FRMD4A: variants seen among roughly 807,000 people sequenced by gnomAD.
FRMD4A encodes the protein FERM domain-containing protein 4A.
A neutral mutation model predicts 129.1 loss-of-function variants in FRMD4A; 29 were observed. The ratio of observed to expected loss-of-function variants is 0.22; its 90% CI spans 0.17 to 0.31. The LOEUF is 0.31. FRMD4A is among the 10% of genes least tolerant of loss of function. The pLI is 1.00. For missense variants in FRMD4A, 1,272 were observed against 1,375.8 expected, an observed-to-expected ratio of 0.92 and a Z score of 1.19; for synonymous variants, 634 against 571.6, an observed-to-expected ratio of 1.11 and a Z score of -1.56.
chr10:13,718,406 T>C (rs565145491), intron 12 of FRMD4A, among the ~76,000 whole-genome samples: 1 of 152,380 alleles, frequency 6.6e-6, no homozygotes, highest in East Asian at 1.9e-4. Context: ...GACTTTCCAC[T>C]TGGAGGGCCT....
intron 2 of FRMD4A, among the ~76,000 whole-genome samples, chr10:14,045,826 A>T (rs1311383258): frequency 6.8e-6 from 1 of 146,168 alleles, no homozygotes; most frequent in Non-Finnish European, 1.5e-5. Flanking sequence ...TGTATTATAT[A>T]TAATTGCCTA....
intron 3 of FRMD4A, among the ~76,000 whole-genome samples, chr10:13,855,840 A>C (rs757573550): frequency 4.6e-5 from 7 of 152,284 alleles, no homozygotes; most frequent in Non-Finnish European, 8.8e-5. Context: ...ATCCTGGGCA[A>C]CAGAATTTTG....
chr10:13,991,007 C>T (rs987827941), intron 2 of FRMD4A, among the ~76,000 whole-genome samples: 5 of 152,166 alleles, frequency 3.3e-5, no homozygotes, highest in Admixed American at 6.5e-5. Flanking sequence ...GAGGTGCATT[C>T]GGAGCCAGAA....
At chr10:14,118,329 A>ACAGAGAGT (rs1427123109) in intron 2 of FRMD4A, among the ~76,000 whole-genome samples, 2 of 152,326 alleles carry the variant, frequency 1.3e-5, no homozygotes, top group Non-Finnish European at 2.9e-5. Context: ...GTGAGAGGTC[A>ACAGAGAGT]CAGAGAGTCT....
At chr10:13,922,427 C>T (rs772090743) in intron 2 of FRMD4A, among the ~76,000 whole-genome samples, 4 of 152,068 alleles carry the variant, frequency 2.6e-5, no homozygotes, top group Non-Finnish European at 5.9e-5. Context: ...TGTGGTCTAA[C>T]TCTTATTTTA....
chr10:14,264,830 G>A (rs1173572843), intron 2 of FRMD4A, among the ~76,000 whole-genome samples: 2 of 152,122 alleles, frequency 1.3e-5, no homozygotes, highest in Non-Finnish European at 2.9e-5. Context: ...TGCCCAGGCT[G>A]GAGTGCAGTG....
rs1475914733 is a variant in FRMD4A, at chr10:13,708,030, C to A, written c.760-917G>T. ...TATCACAGGAGGTTCAACTTGTGTG[C>A]ACACACATTTGCATTAATATTTGCT... On this transcript the variant is annotated intron_variant, in intron 12 of 24. Coordinates refer to ENST00000357447, the MANE Select transcript of FRMD4A (RefSeq NM_018027.5). 1.2e-5 allele frequency: 3 copies of A among 253,056 alleles called. 1 individual carries two copies. In the East Asian group the frequency reaches 5.4e-4, roughly 45 times the overall value. 15.7% of individuals were successfully genotyped at this position (253,056 alleles called of 1,614,324 possible).
rs568791394 is a variant in FRMD4A at position 13,669,874 on chromosome 10, G to C, written c.1374+532C>G. Among the ~76,000 whole-genome samples the C allele has an allele frequency of 8.5e-5, 13 of 152,322 alleles. No homozygotes were observed. The East Asian group carries it at 2.1e-3, about 25-fold the overall frequency. ...GATGGACGTAGCTTCTCCAAACACA[G>C]ACAAACAAGGCCAGGGCCGCCCAAG... On this transcript the variant is annotated intron_variant, in intron 17 of 24. Transcript: ENST00000357447.
At chr10:14,281,823 T>G (rs1845528627) in intron 2 of FRMD4A, among the ~76,000 whole-genome samples, 1 of 152,134 alleles carries the variant, frequency 6.6e-6, no homozygotes, top group African/African-American at 2.4e-5. Context: ...CCAATGTAGG[T>G]GGGGTAAACT....
At chr10:14,194,787 A>C (rs1308008151) in intron 2 of FRMD4A, among the ~76,000 whole-genome samples, 1 of 151,794 alleles carries the variant, frequency 6.6e-6, no homozygotes, top group Non-Finnish European at 1.5e-5. Context: ...ATATTATTCT[A>C]TTTATAGTAT....
intron 2 of FRMD4A, among the ~76,000 whole-genome samples, chr10:14,153,216 G>C (rs146347611): frequency 6.6e-6 from 1 of 152,164 alleles, no homozygotes; most frequent in Admixed American, 6.5e-5. Flanking sequence ...AGATTCAAAC[G>C]AATTCAATTT....
At chr10:14,011,264 G>A (rs990813686) in intron 2 of FRMD4A, among the ~76,000 whole-genome samples, 4 of 152,208 alleles carry the variant, frequency 2.6e-5, no homozygotes, top group Admixed American at 6.5e-5. Flanking sequence ...GTTAGATTGA[G>A]CAATTTTAGA....
At chr10:13,875,286 C>T (rs960692980) in intron 2 of FRMD4A, among the ~76,000 whole-genome samples, 1 of 152,142 alleles carries the variant, frequency 6.6e-6, no homozygotes, top group African/African-American at 2.4e-5. Context: ...AAGTCAATTT[C>T]ATCATGAGGC....
At chr10:14,270,759 A>G (rs1845136659) in intron 2 of FRMD4A, among the ~76,000 whole-genome samples, 1 of 152,202 alleles carries the variant, frequency 6.6e-6, no homozygotes, top group Admixed American at 6.5e-5. Context: ...GGGCTAATTG[A>G]TATACATAAG....
At chr10:14,201,859 G>C (rs932131676) in intron 2 of FRMD4A, among the ~76,000 whole-genome samples, 2 of 152,236 alleles carry the variant, frequency 1.3e-5, no homozygotes, top group Admixed American at 1.3e-4. Flanking sequence ...GGCTGGGTGC[G>C]GTGGCTCATG....
intron 8 of FRMD4A, among the ~76,000 whole-genome samples, chr10:13,750,347 T>C (rs2091554454): frequency 6.6e-6 from 1 of 152,120 alleles, no homozygotes; most frequent in Admixed American, 6.5e-5. Flanking sequence ...GCCCCTGCCA[T>C]TACATGGAAA....
intron 2 of FRMD4A, among the ~76,000 whole-genome samples, chr10:13,964,539 TA>T (rs2095471511): frequency 1.3e-5 from 2 of 152,164 alleles, no homozygotes; most frequent in South Asian, 2.1e-4. Flanking sequence ...CAATGAAGCT[TA>T]AACTTCAGGG....
chr10:13,742,002 G>A (rs1224569949), intron 9 of FRMD4A, among the ~76,000 whole-genome samples: 1 of 152,106 alleles, frequency 6.6e-6, no homozygotes, highest in East Asian at 1.9e-4. Flanking sequence ...GATTACAGGT[G>A]TGTGTCACCA....
intron 2 of FRMD4A, among the ~76,000 whole-genome samples, chr10:14,122,992 A>C (rs1376839402): frequency 6.6e-6 from 1 of 152,194 alleles, no homozygotes; most frequent in Non-Finnish European, 1.5e-5. Flanking sequence ...AGTGGTATAG[A>C]ACACTGATAC....
Sources: allele counts gnomAD v4.1 joint callset (sites outside exome capture counted in the v4.1 genomes callset), GRCh38; gene constraint gnomAD v4.1.1; transcripts MANE v1.5; gene names NCBI Gene and HGNC (gene_info 2026-07-23, HGNC 2026-07-21).